LMO1: variants seen among roughly 807,000 people sequenced by gnomAD.
The protein encoded by LMO1 is rhombotin-1.
LMO1 carries 10 observed loss-of-function variants against 18.0 expected under a neutral mutation model. That is an observed-to-expected ratio of 0.55 (90% CI 0.34 to 0.94). LMO1 has a LOEUF of 0.94. Among genes scored for constraint, LMO1 ranks in the 40% least tolerant of loss-of-function variants. The pLI is 0.02. For missense variants in LMO1, 183 were observed against 205.7 expected, an observed-to-expected ratio of 0.89 and a Z score of 0.68; for synonymous variants, 77 against 77.9, an observed-to-expected ratio of 0.99 and a Z score of 0.06.
At chr11:8,235,283 A>G (rs1952742560) in intron 1 of LMO1, among the ~76,000 whole-genome samples, 2 of 152,242 alleles carry the variant, frequency 1.3e-5, no homozygotes. Flanking sequence ...GATTCCCTAC[A>G]TATAACATTT....
chr11:8,229,883 A>G (rs1952621476), intron 2 of LMO1, among the ~76,000 whole-genome samples: 1 of 152,304 alleles, frequency 6.6e-6, no homozygotes, highest in South Asian at 2.1e-4. Flanking sequence ...AAGAGACTGC[A>G]TTAGGGAGGA....
chr11:8,252,480 C>T (rs150386947), intron 1 of LMO1, among the ~76,000 whole-genome samples: 185 of 152,380 alleles, frequency 1.2e-3, no homozygotes, highest in African/African-American at 4.2e-3. Context: ...TCATCTGCCC[C>T]ACTTCCTTGA....
At chr11:8,268,643 A>T (rs1847285903), upstream of LMO1, 1 of 337,970 alleles carries the variant, frequency 3.0e-6, no homozygotes. Context: ...AGGAGGAGGG[A>T]CTGGGGGGAA....
rs555327344 is a variant in LMO1 at position 8,238,060 on chromosome 11, T to C, written c.26-7556A>G. On this transcript the variant is annotated intron_variant, in intron 1 of 3. Transcript: ENST00000335790. ...ATGACCCAACAATTATATTCCTAGGTATATGCCCAACAGAAATGAGAGCTT... is the reference window on the plus strand; with the variant it reads ...ATGACCCAACAATTATATTCCTAGGCATATGCCCAACAGAAATGAGAGCTT... 2.7e-4 allele frequency among the ~76,000 whole-genome samples: 41 copies of C among 152,208 alleles called. 1 individual carries two copies. Among genetic ancestry groups the C allele is most frequent in the Non-Finnish European group, 5.4e-4 (37 of 68,040 alleles).
At chr11:8,249,257 G>C (rs1030050837) in intron 1 of LMO1, among the ~76,000 whole-genome samples, 4 of 152,106 alleles carry the variant, frequency 2.6e-5, no homozygotes, top group African/African-American at 9.7e-5. Flanking sequence ...TGCGAGCTCT[G>C]GACGAAACTG....
Position 8,233,628 on chromosome 11 carries a change from C to T in LMO1, c.26-3124G>A, listed in dbSNP as rs550051614. ...TCAGGAGGGGCTCTGTAGTCTCCTG[C>T]TCCCCAGATGGAGGGATAAGCTCCC... is the stretch of plus-strand genomic sequence containing the variant. On this transcript the variant is annotated intron_variant, in intron 1 of 3. Coordinates refer to ENST00000335790, the MANE Select transcript of LMO1 (RefSeq NM_002315.3). 1.6e-3 allele frequency among the ~76,000 whole-genome samples: 250 copies of T among 152,178 alleles called. 2 individuals are homozygous for T. Among genetic ancestry groups the T allele is most frequent in the African/African-American group, 5.6e-3 (233 of 41,518 alleles).
chr11:8,268,358 C>T (rs369363407), upstream of LMO1: 7 of 1,374,492 alleles, frequency 5.1e-6, no homozygotes, highest in East Asian at 6.2e-5. Flanking sequence ...CTCCGCAGGG[C>T]CAGCGCCGCA....
intron 1 of LMO1, among the ~76,000 whole-genome samples, chr11:8,235,888 A>G (rs1952752857): frequency 6.6e-6 from 1 of 152,256 alleles, no homozygotes; most frequent in Non-Finnish European, 1.5e-5. Context: ...CACTCTGATT[A>G]GTGTCACTCT....
chr11:8,249,134 G>C (rs1264117557), intron 1 of LMO1, among the ~76,000 whole-genome samples: 1 of 152,194 alleles, frequency 6.6e-6, no homozygotes, highest in Non-Finnish European at 1.5e-5. Context: ...GTAGACCTCA[G>C]ATGAGCTCCC....
intron 1 of LMO1, among the ~76,000 whole-genome samples, chr11:8,262,227 C>A (rs949801712): frequency 3.3e-5 from 5 of 152,256 alleles, no homozygotes; most frequent in Non-Finnish European, 5.9e-5. Context: ...AGGATTCCCG[C>A]TGACTCAAAG....
At chr11:8,259,327 TG>T (rs1469275909) in intron 1 of LMO1, among the ~76,000 whole-genome samples, 2 of 151,922 alleles carry the variant, frequency 1.3e-5, no homozygotes, top group African/African-American at 2.4e-5. Flanking sequence ...TGTGTGGGGT[TG>T]GGGGGCGGGT....
chr11:8,260,091 G>A (rs1847160962), intron 1 of LMO1, among the ~76,000 whole-genome samples: 5 of 152,074 alleles, frequency 3.3e-5, no homozygotes, highest in Admixed American at 3.3e-4. Flanking sequence ...GGATGCCCCA[G>A]CCTCCTCTCC....
chr11:8,241,642 C>G (rs893561219), intron 1 of LMO1, among the ~76,000 whole-genome samples: 5 of 152,206 alleles, frequency 3.3e-5, no homozygotes, highest in African/African-American at 1.2e-4. Context: ...TTCTCATCTT[C>G]AAGCTTCAGC....
At chr11:8,234,954 C>T (rs1952735991) in intron 1 of LMO1, among the ~76,000 whole-genome samples, 1 of 152,202 alleles carries the variant, frequency 6.6e-6, no homozygotes, top group Non-Finnish European at 1.5e-5. Flanking sequence ...GTCGGAACTG[C>T]TCCAAGGAGC....
intron 1 of LMO1, among the ~76,000 whole-genome samples, chr11:8,238,734 A>G (rs189873029): frequency 4.6e-5 from 7 of 152,112 alleles, no homozygotes; most frequent in African/African-American, 1.7e-4. Context: ...CATATTATCA[A>G]CTGAGAGGAG....
chr11:8,261,715 G>A (rs1371234464), intron 1 of LMO1, among the ~76,000 whole-genome samples: 1 of 152,094 alleles, frequency 6.6e-6, no homozygotes, highest in African/African-American at 2.4e-5. Flanking sequence ...GTGAACATGG[G>A]GAGTTCGTGA....
intron 1 of LMO1, 135 bp downstream of exon 1, chr11:8,263,203 C>T (rs1847218201): frequency 2.6e-6 from 2 of 761,162 alleles, no homozygotes; most frequent in South Asian, 3.7e-5. Flanking sequence ...CAGCCCCGGC[C>T]CCCAGCGCGC....
At chr11:8,242,083 C>A (rs11041821) in intron 1 of LMO1, among the ~76,000 whole-genome samples, 89 of 152,304 alleles carry the variant, frequency 5.8e-4, no homozygotes, top group Admixed American at 1.1e-3. Context: ...GCCACACCCC[C>A]TAGGTACCTG....
upstream of LMO1, chr11:8,268,552 G>C (rs937535333): frequency 5.8e-6 from 6 of 1,043,052 alleles, no homozygotes; most frequent in Non-Finnish European, 7.3e-6. Flanking sequence ...CCCCGCGCGG[G>C]CGCCGAGTCC....
Sources: gnomAD v4.1 joint callset for allele counts (sites outside exome capture counted in the v4.1 genomes callset) on GRCh38, gnomAD v4.1.1 for gene constraint, MANE v1.5 for transcripts, NCBI Gene and HGNC (gene_info 2026-07-23, HGNC 2026-07-21) for gene names.